The following ATE1 variants were observed in gnomAD, a reference collection of about 807,000 sequenced individuals.
The protein encoded by ATE1 is arginyltransferase 1, also known as arginyl-tRNA--protein transferase 1.
Under a neutral mutation model 70.5 loss-of-function variants are expected in ATE1, and 36 were observed. That is an observed-to-expected ratio of 0.51 (90% CI 0.39 to 0.67). The LOEUF is 0.67. Ranked by LOEUF, ATE1 falls within the 30% of genes least tolerant of loss-of-function variation. The pLI is 0.00. For missense variants in ATE1, 593 were observed against 629.5 expected (o/e 0.94, Z 0.62); for synonymous variants, 232 against 219.3 (o/e 1.06, Z -0.51).
At chr10:121,905,862 A>AT (rs1951170265) in intron 5 of ATE1, among the ~76,000 whole-genome samples, 1 of 150,962 alleles carries the variant, frequency 6.6e-6, no homozygotes, top group African/African-American at 2.4e-5. Context: ...AGAGAAAAAA[A>AT]AGTAGGATTT....
chr10:121,756,006 G>A (rs11200133), intron 11 of ATE1, among the ~76,000 whole-genome samples: 17,001 of 152,116 alleles, frequency 0.11, 1,072 homozygotes, highest in Admixed American at 0.18. Flanking sequence ...CCAAAGTCTC[G>A]TCTGAGACAA....
At chr10:121,834,020 C>T (rs1948345306) in intron 10 of ATE1, among the ~76,000 whole-genome samples, 1 of 152,120 alleles carries the variant, frequency 6.6e-6, no homozygotes, top group Non-Finnish European at 1.5e-5. Flanking sequence ...TTCTCCAGGT[C>T]ATAAACTCCA....
rs1275797550 is a variant in ATE1 at position 121,741,872 on chromosome 10, T to G, written c.*1808A>C. 6.6e-6 allele frequency: 1 copy of G among 152,168 alleles called. No individual in the cohort carries two copies. Among genetic ancestry groups the G allele is most frequent in the Non-Finnish European group, 1.5e-5 (1 of 68,026 alleles). 9.4% of individuals were successfully genotyped at this position (152,168 alleles called of 1,614,324 possible). Reference sequence around the variant, plus strand: ...ATGACAGTTCTTTTCTCCTTCTGAGTATGGTAGGGTTGTAGATGATTTTTA... The same window carrying G: ...ATGACAGTTCTTTTCTCCTTCTGAGGATGGTAGGGTTGTAGATGATTTTTA... On this transcript the variant is annotated 3_prime_UTR_variant, in exon 12 of 12. Coordinates refer to ENST00000224652, the MANE Select transcript of ATE1 (RefSeq NM_001001976.3).
intron 9 of ATE1, among the ~76,000 whole-genome samples, chr10:121,838,367 A>T (rs1948505625): frequency 1.1e-5 from 1 of 93,910 alleles, no homozygotes; most frequent in Non-Finnish European, 3.0e-5. Context: ...CTTCTCACCA[A>T]CTCCACCTGC....
intron 7 of ATE1, among the ~76,000 whole-genome samples, chr10:121,870,735 T>C (rs903692536): frequency 2.6e-5 from 4 of 152,168 alleles, no homozygotes; most frequent in African/African-American, 9.7e-5. Flanking sequence ...AGCATTTAAA[T>C]AAACATATTA....
At chr10:121,898,193 T>C (rs11593656) in intron 7 of ATE1, among the ~76,000 whole-genome samples, 70 of 152,306 alleles carry the variant, frequency 4.6e-4, no homozygotes, top group South Asian at 1.0e-3. Flanking sequence ...TTAAACCATA[T>C]TATATCTAAC....
Position 121,857,785 on chromosome 10 carries a change from T to C in ATE1, c.975+12221A>G, listed in dbSNP as rs147317487. Among the ~76,000 whole-genome samples, 1,077 of 152,228 alleles carry C rather than the reference T, an allele frequency of 7.1e-3. 25 individuals carry two copies. Among genetic ancestry groups the C allele is most frequent in the African/African-American group, 0.025 (1,019 of 41,536 alleles). The stretch of plus-strand genomic sequence containing the variant: ...ATCATGTAACTACCCACACAATCCA[T>C]CCATAATTTTTTTGATCATCCAAGA... On this transcript the variant is annotated intron_variant, in intron 8 of 11. Coordinates refer to ENST00000224652, the MANE Select transcript of ATE1 (RefSeq NM_001001976.3).
intron 7 of ATE1, among the ~76,000 whole-genome samples, chr10:121,877,786 C>T (rs915129185): frequency 7.2e-5 from 11 of 152,134 alleles, no homozygotes; most frequent in Admixed American, 6.5e-4. Flanking sequence ...TGTGGCACAA[C>T]GAGCATGTTT....
intron 9 of ATE1, 146 bp downstream of exon 9, chr10:121,840,936 T>C (rs974515427): frequency 6.9e-6 from 4 of 582,718 alleles, no homozygotes; most frequent in African/African-American, 5.8e-5. Flanking sequence ...TATAGTAGTA[T>C]GTATTCTATG....
chr10:121,868,261 AACC>A (rs1163748822), intron 8 of ATE1, among the ~76,000 whole-genome samples: 2 of 152,376 alleles, frequency 1.3e-5, no homozygotes, highest in Non-Finnish European at 2.9e-5. Context: ...ATAAAAATCC[AACC>A]ACATTTTATG....
At chr10:121,786,981 G>C (rs750547562) in intron 11 of ATE1, among the ~76,000 whole-genome samples, 1 of 152,162 alleles carries the variant, frequency 6.6e-6, no homozygotes, top group African/African-American at 2.4e-5. Flanking sequence ...GTAGGCAGAA[G>C]TCCTGCATTG....
At chr10:121,766,445 C>G (rs748852592) in intron 11 of ATE1, among the ~76,000 whole-genome samples, 1 of 152,100 alleles carries the variant, frequency 6.6e-6, no homozygotes, top group Non-Finnish European at 1.5e-5. Context: ...CCTACAAAGA[C>G]TCTGAAAAGT....
intron 10 of ATE1, among the ~76,000 whole-genome samples, chr10:121,802,641 T>C (rs904676806): frequency 6.6e-6 from 1 of 152,112 alleles, no homozygotes; most frequent in Non-Finnish European, 1.5e-5. Context: ...ACCTAAAAAC[T>C]GCCTACTCTT....
chr10:121,778,455 G>A (rs1459588342), intron 11 of ATE1, among the ~76,000 whole-genome samples: 1 of 151,970 alleles, frequency 6.6e-6, no homozygotes, highest in Non-Finnish European at 1.5e-5. Flanking sequence ...GTTCATTGGG[G>A]GTTGGCAGCA....
chr10:121,895,717 A>G (rs1300833919), intron 7 of ATE1, among the ~76,000 whole-genome samples: 1 of 152,122 alleles, frequency 6.6e-6, no homozygotes, highest in Non-Finnish European at 1.5e-5. Context: ...GGATTACAGG[A>G]GTTTAAGACC....
chr10:121,795,745 T>C (rs1313931545), intron 10 of ATE1, among the ~76,000 whole-genome samples: 2 of 152,244 alleles, frequency 1.3e-5, no homozygotes, highest in Non-Finnish European at 2.9e-5. Flanking sequence ...TAAACTAAGC[T>C]GGTCGAGAGT....
intron 9 of ATE1, among the ~76,000 whole-genome samples, chr10:121,838,651 T>C (rs1210267583): frequency 6.6e-6 from 1 of 152,220 alleles, no homozygotes; most frequent in African/African-American, 2.4e-5. Context: ...AGGGAGTATC[T>C]GAAATTAAGT....
intron 11 of ATE1, among the ~76,000 whole-genome samples, chr10:121,785,601 G>C (rs1946171572): frequency 2.0e-5 from 3 of 152,148 alleles, no homozygotes; most frequent in Admixed American, 2.0e-4. Flanking sequence ...AGTAGAGAGA[G>C]AAGAAAAGAA....
rs549412063 is a variant in ATE1, at chr10:121,886,411, G to C, written c.942+13455C>G. Among the ~76,000 whole-genome samples, 24 of 151,876 alleles carry C rather than the reference G, an allele frequency of 1.6e-4. 1 individual carries two copies. In the South Asian group the frequency reaches 3.5e-3, roughly 22 times the overall value. ...TCCAGTTTCCTCCCACATCTCACAC[G>C]TGTGCACGTTAGGTTCACTGCTGTG... On this transcript the variant is annotated intron_variant, in intron 7 of 11. Transcript: ENST00000224652.
Sources: allele counts gnomAD v4.1 joint callset (sites outside exome capture counted in the v4.1 genomes callset), GRCh38; gene constraint gnomAD v4.1.1; transcripts MANE v1.5; gene names NCBI Gene and HGNC (gene_info 2026-07-23, HGNC 2026-07-21).